Variants in NAALADL2 observed in about 807,000 individuals in gnomAD.
NAALADL2 encodes inactive N-acetylated-alpha-linked acidic dipeptidase-like protein 2.
A neutral mutation model predicts 87.2 loss-of-function variants in NAALADL2; 76 were observed. The observed-to-expected ratio is 0.87, with a 90% confidence interval of 0.72 to 1.05. The LOEUF (loss-of-function observed/expected upper bound fraction) is 1.05. NAALADL2 is among the 50% of genes least tolerant of loss of function. The pLI is 0.00. For missense variants in NAALADL2, 1,089 were observed against 945.8 expected, an observed-to-expected ratio of 1.15 and a Z score of -1.99; for synonymous variants, 354 against 331.0, an observed-to-expected ratio of 1.07 and a Z score of -0.75.
intron 11 of NAALADL2, among the ~76,000 whole-genome samples, chr3:175,691,112 C>A (rs1560982023): frequency 1.3e-5 from 2 of 151,282 alleles, no homozygotes; most frequent in African/African-American, 4.8e-5. Flanking sequence ...GTAAGAATTT[C>A]CGTAATAATT....
chr3:174,693,981 T>G (rs775612935), intron 2 of NAALADL2, among the ~76,000 whole-genome samples: 55 of 152,170 alleles, frequency 3.6e-4, no homozygotes, highest in Admixed American at 3.3e-4. Flanking sequence ...AGCTGTAGTT[T>G]CTTCTCTCTG....
chr3:174,967,314 A>T (rs956774225), intron 1 of NAALADL2, among the ~76,000 whole-genome samples: 1 of 151,582 alleles, frequency 6.6e-6, no homozygotes, highest in African/African-American at 2.4e-5. Flanking sequence ...TAAAATTTAG[A>T]TAGTGCCATT....
At chr3:175,550,841 A>T (rs1435475854) in intron 9 of NAALADL2, among the ~76,000 whole-genome samples, 1 of 152,236 alleles carries the variant, frequency 6.6e-6, no homozygotes, top group East Asian at 1.9e-4. Context: ...GTTTGAGGGA[A>T]AACTCACATA....
intron 9 of NAALADL2, among the ~76,000 whole-genome samples, chr3:175,498,765 C>A (rs577035127): frequency 6.6e-6 from 1 of 152,070 alleles, no homozygotes; most frequent in Non-Finnish European, 1.5e-5. Context: ...TGTTTTCCCC[C>A]AAAGATTCAC....
chr3:174,763,997 T>G (rs1420485808), intron 3 of NAALADL2, among the ~76,000 whole-genome samples: 1 of 151,436 alleles, frequency 6.6e-6, no homozygotes, highest in African/African-American at 2.4e-5. Flanking sequence ...AATCATAGAG[T>G]TTTTAAAGAA....
intron 1 of NAALADL2, among the ~76,000 whole-genome samples, chr3:174,959,519 A>T (rs769011325): frequency 3.3e-5 from 5 of 151,994 alleles, no homozygotes; most frequent in Non-Finnish European, 7.4e-5. Context: ...TGAGCACAAT[A>T]CATAGGGGAA....
chr3:175,308,198 C>T (rs1449171704), intron 4 of NAALADL2, among the ~76,000 whole-genome samples: 11 of 152,136 alleles, frequency 7.2e-5, no homozygotes, highest in African/African-American at 2.2e-4. Context: ...AGCTGTGAAC[C>T]GTAAGATCAG....
At chr3:175,290,783 C>A (rs190041476) in intron 4 of NAALADL2, among the ~76,000 whole-genome samples, 213 of 152,124 alleles carry the variant, frequency 1.4e-3, no homozygotes, top group Non-Finnish European at 2.4e-3. Flanking sequence ...CTCACTATAA[C>A]CACAGGAGAC....
intron 2 of NAALADL2, among the ~76,000 whole-genome samples, chr3:174,570,011 CTCTTTT>C: frequency 6.6e-6 from 1 of 152,248 alleles, no homozygotes; most frequent in East Asian, 1.9e-4. Flanking sequence ...CTAGTGCTAT[CTCTTTT>C]TCTTCAACTC....
In NAALADL2 at chr3:175,026,482, T is replaced by TAAA. The variant is rs59236659; in HGVS notation, c.44-70287_44-70285dup. Among the ~76,000 whole-genome samples, 352 of 85,470 alleles carry TAAA rather than the reference T, an allele frequency of 4.1e-3. 2 individuals carry two copies. The highest frequency in any genetic ancestry group is 0.012 in the African/African-American group (258 of 22,088). The allele number at this position is 85,470 out of a possible 152,430, so 56.1% of individuals were successfully genotyped here. The stretch of plus-strand genomic sequence containing the variant: ...CAGCATGGTGAAACCCCGTCTCTAC[T>TAAA]AAAAAAAAAAAAAAAAAAAAAAATT... On this transcript the variant is annotated intron_variant, in intron 1 of 13. Coordinates refer to ENST00000454872, the MANE Select transcript of NAALADL2 (RefSeq NM_207015.3).
chr3:174,623,643 T>C (rs574776435), intron 2 of NAALADL2, among the ~76,000 whole-genome samples: 2 of 129,664 alleles, frequency 1.5e-5, no homozygotes, highest in East Asian at 3.9e-4. Flanking sequence ...CATTTTGCAA[T>C]GTATTTATTA....
In NAALADL2 at chr3:175,147,744, G is replaced by A. The variant is rs115290696; in HGVS notation, c.545+50453G>A. Among the ~76,000 whole-genome samples the A allele has an allele frequency of 3.2e-3, 480 of 152,032 alleles. 2 individuals are homozygous for A. Among genetic ancestry groups the A allele is most frequent in the African/African-American group, 0.011 (459 of 41,480 alleles). On this transcript the variant is annotated intron_variant, in intron 2 of 13. Transcript: ENST00000454872. ...AACATTCCCTTTTCTCTGCAGCCTC[G>A]TCAGCATCTGTTGTTTCTTGACTTT...
intron 2 of NAALADL2, among the ~76,000 whole-genome samples, chr3:175,203,219 C>T (rs1337452282): frequency 2.0e-5 from 3 of 152,054 alleles, no homozygotes; most frequent in East Asian, 1.9e-4. Context: ...GTTTCCTGCC[C>T]CCCTCACCCC....
At chr3:175,155,670 G>C (rs973367756) in intron 2 of NAALADL2, among the ~76,000 whole-genome samples, 2 of 151,982 alleles carry the variant, frequency 1.3e-5, no homozygotes, top group Non-Finnish European at 2.9e-5. Flanking sequence ...TTAATAAATA[G>C]TTTATATTTC....
intron 2 of NAALADL2, among the ~76,000 whole-genome samples, chr3:174,565,811 A>G (rs921641847): frequency 1.3e-5 from 2 of 151,994 alleles, no homozygotes; most frequent in African/African-American, 4.8e-5. Context: ...AGTTTCTGTT[A>G]ATTCACATCC....
intron 1 of NAALADL2, among the ~76,000 whole-genome samples, chr3:174,508,438 C>A (rs192617517): frequency 1.4e-4 from 21 of 152,222 alleles, no homozygotes; most frequent in Non-Finnish European, 2.1e-4. Context: ...GTTTAACTTG[C>A]ATTTCCTTAA....
At chr3:174,962,432 T>TATA in intron 1 of NAALADL2, among the ~76,000 whole-genome samples, 1 of 125,662 alleles carries the variant, frequency 8.0e-6, no homozygotes, top group Non-Finnish European at 1.5e-5. Flanking sequence ...TATATATATA[T>TATA]GTATATTTTT....
At chr3:174,655,013 G>A (rs1397002835) in intron 2 of NAALADL2, among the ~76,000 whole-genome samples, 1 of 152,154 alleles carries the variant, frequency 6.6e-6, no homozygotes, top group African/African-American at 2.4e-5. Flanking sequence ...GGGATTACAG[G>A]CGTGAGCTTA....
chr3:175,603,236 T>A (rs1318654931), intron 10 of NAALADL2, among the ~76,000 whole-genome samples: 2 of 152,218 alleles, frequency 1.3e-5, no homozygotes, highest in South Asian at 2.1e-4. Flanking sequence ...AGTTACATTT[T>A]TAAAATGCAT....
Sources: gnomAD v4.1 joint callset for allele counts (sites outside exome capture counted in the v4.1 genomes callset) on GRCh38, gnomAD v4.1.1 for gene constraint, MANE v1.5 for transcripts, NCBI Gene and HGNC (gene_info 2026-07-23, HGNC 2026-07-21) for gene names.